ELFN1: variants seen among roughly 807,000 people sequenced by gnomAD.
The protein encoded by ELFN1 is protein ELFN1.
In ELFN1, 6 loss-of-function variants were observed where a neutral mutation model predicts 7.6. The ratio of observed to expected loss-of-function variants is 0.79; its 90% CI spans 0.43 to 1.56. The LOEUF (loss-of-function observed/expected upper bound fraction) is 1.56. ELFN1 is among the 40% of genes most tolerant of loss of function. ELFN1 has a pLI of 0.01. For synonymous variants in ELFN1, 657 were observed against 588.1 expected (o/e 1.12, Z -1.70); for missense variants, 1,169 against 1,232.2 (o/e 0.95, Z 0.77).
intron 2 of ELFN1, chr7:1,693,383 TACAC>T: frequency 2.1e-6 from 1 of 471,144 alleles, no homozygotes. Context: ...GACAGCCGTG[TACAC>T]ACACTGGTGT....
At chr7:1,671,787 C>T (rs1293315706) in intron 1 of ELFN1, among the ~76,000 whole-genome samples, 1 of 152,228 alleles carries the variant, frequency 6.6e-6, no homozygotes, top group African/African-American at 2.4e-5. Context: ...CTTACAGGTC[C>T]CAGCCCAGGT....
rs1458531734 is a variant in ELFN1, at chr7:1,695,364, G to T, written c.-456+7214G>T. ...CCGCGTCGAGGGCACTCCCTAAAGG[G>T]CAGGAGCAGGACCATTGGCACAAGC... On this transcript the variant is annotated intron_variant, in intron 2 of 3. Transcript: ENST00000424383. This position sits in a 1 kb window ranked among gnomAD's most constrained non-coding sequence, Gnocchi z 5.1. 1.3e-5 allele frequency among the ~76,000 whole-genome samples: 2 copies of T among 152,192 alleles called. No individual in the cohort carries two copies. The highest frequency in any genetic ancestry group is 4.8e-5 in the African/African-American group (2 of 41,450).
At chr7:1,690,017 A>G (rs1037571373) in intron 2 of ELFN1, among the ~76,000 whole-genome samples, 4 of 152,356 alleles carry the variant, frequency 2.6e-5, no homozygotes, top group Admixed American at 6.5e-5. Flanking sequence ...CAACTGGCAC[A>G]TTCCCTTCTT....
chr7:1,715,600 A>G (rs1779806183), intron 3 of ELFN1, among the ~76,000 whole-genome samples: 2 of 152,220 alleles, frequency 1.3e-5, no homozygotes, highest in African/African-American at 4.8e-5. Flanking sequence ...TCCTGCAGGC[A>G]GGCCAGGCTG....
chr7:1,724,472 G>A (rs918273713), intron 3 of ELFN1, among the ~76,000 whole-genome samples: 3 of 152,166 alleles, frequency 2.0e-5, no homozygotes, highest in Non-Finnish European at 4.4e-5. Flanking sequence ...GTGACTTGTG[G>A]AGATGAATTT....
chr7:1,713,832 G>A (rs559747612), intron 3 of ELFN1, among the ~76,000 whole-genome samples: 18 of 152,050 alleles, frequency 1.2e-4, no homozygotes, highest in Non-Finnish European at 1.3e-4. Context: ...AGGCCACCTC[G>A]CCAATCCCCG....
chr7:1,702,849 C>G (rs1779456858), intron 2 of ELFN1, among the ~76,000 whole-genome samples: 1 of 151,248 alleles, frequency 6.6e-6, no homozygotes, highest in African/African-American at 2.5e-5. Flanking sequence ...GCTACTAGCA[C>G]CATGCTGAAT....
rs530622399 is a variant in ELFN1 at position 1,682,972 on chromosome 7, A to C, written c.-548-5086A>C. ...TCTATTAAGGGGATCAAAATTAGTG[A>C]TTTTCAGATGCTAAACCAACCTTGC... On this transcript the variant is annotated intron_variant, in intron 1 of 3. Coordinates refer to ENST00000424383, the MANE Select transcript of ELFN1 (RefSeq NM_001128636.4). Among the ~76,000 whole-genome samples, 5 of 152,232 alleles carry C rather than the reference A, an allele frequency of 3.3e-5. No homozygotes were observed. The East Asian group carries it at 9.6e-4, about 29-fold the overall frequency.
At chr7:1,688,719 G>A (rs1445197658) in intron 2 of ELFN1, among the ~76,000 whole-genome samples, 1 of 152,070 alleles carries the variant, frequency 6.6e-6, no homozygotes, top group African/African-American at 2.4e-5. Flanking sequence ...TCCCCCCAGT[G>A]GCAACATCTT....
chr7:1,679,709 G>A (rs1203799655), intron 1 of ELFN1, among the ~76,000 whole-genome samples: 1 of 152,190 alleles, frequency 6.6e-6, no homozygotes, highest in Non-Finnish European at 1.5e-5. Context: ...TGGGGCGTTG[G>A]CACAGCCTGG....
chr7:1,731,060 A>G (rs1780315211), intron 3 of ELFN1, among the ~76,000 whole-genome samples: 2 of 152,206 alleles, frequency 1.3e-5, no homozygotes, highest in African/African-American at 2.4e-5. Context: ...CCCACTTACA[A>G]CGGCACCAAT....
At chr7:1,694,220 T>C (rs1056914095) in intron 2 of ELFN1, 3 of 200,196 alleles carry the variant, frequency 1.5e-5, no homozygotes, top group Admixed American at 5.2e-5. Flanking sequence ...GTCCCAGGCT[T>C]GGGAGGCCGG....
At chr7:1,720,036 C>G (rs1172226986) in intron 3 of ELFN1, among the ~76,000 whole-genome samples, 1 of 152,162 alleles carries the variant, frequency 6.6e-6, no homozygotes, top group Non-Finnish European at 1.5e-5. Context: ...GCCCCAGCCA[C>G]CCGGCATTCC....
chr7:1,671,018 G>T (rs1191193170), intron 1 of ELFN1, among the ~76,000 whole-genome samples: 1 of 152,124 alleles, frequency 6.6e-6, no homozygotes, highest in African/African-American at 2.4e-5. Flanking sequence ...CCTCGTCCTC[G>T]TCCCTCTGGG....
At chr7:1,734,863 A>C (rs890555417) in intron 3 of ELFN1, among the ~76,000 whole-genome samples, 3 of 151,680 alleles carry the variant, frequency 2.0e-5, no homozygotes, top group African/African-American at 7.3e-5. Context: ...ACACCCGGCA[A>C]ATTTTTTTAT....
At chr7:1,727,842 A>G (rs1780237952) in intron 3 of ELFN1, among the ~76,000 whole-genome samples, 1 of 152,044 alleles carries the variant, frequency 6.6e-6, no homozygotes, top group Non-Finnish European at 1.5e-5. Flanking sequence ...TCCTGGATTC[A>G]AGCAATCCTC....
intron 3 of ELFN1, among the ~76,000 whole-genome samples, chr7:1,714,214 C>G (rs557567337): frequency 5.0e-4 from 76 of 152,272 alleles, no homozygotes; most frequent in Non-Finnish European, 1.3e-4. Flanking sequence ...AAGGGAAACC[C>G]ATCGCCTGTC....
At chr7:1,671,420 G>T (rs1386249400) in intron 1 of ELFN1, among the ~76,000 whole-genome samples, 2 of 152,262 alleles carry the variant, frequency 1.3e-5, no homozygotes, top group African/African-American at 4.8e-5. Context: ...CCGGAGTGGG[G>T]CCTCTTTGGA....
intron 3 of ELFN1, among the ~76,000 whole-genome samples, chr7:1,720,500 G>A (rs1779985724): frequency 6.6e-6 from 1 of 152,240 alleles, no homozygotes. Flanking sequence ...GAACCAGCGT[G>A]CAGGTTTGTG....
Sources: allele counts gnomAD v4.1 joint callset (sites outside exome capture counted in the v4.1 genomes callset), GRCh38; gene constraint gnomAD v4.1.1; non-coding constraint Gnocchi (gnomAD v3.1); transcripts MANE v1.5; gene names NCBI Gene and HGNC (gene_info 2026-07-23, HGNC 2026-07-21).